FHAD1: variants seen among roughly 807,000 people sequenced by gnomAD.
FHAD1 encodes the protein forkhead associated phosphopeptide binding domain 1.
FHAD1 carries 146 observed loss-of-function variants against 191.3 expected under a neutral mutation model. The ratio of observed to expected loss-of-function variants is 0.76; its 90% confidence interval spans 0.67 to 0.88. The LOEUF (loss-of-function observed/expected upper bound fraction) is 0.88, where lower values mean the gene tolerates loss of function less well. Ranked by LOEUF, FHAD1 falls within the 40% of genes least tolerant of loss-of-function variation. The probability of loss-of-function intolerance (pLI) is 0.00; values close to 1 mark genes in which losing one functional copy is unlikely to be tolerated. For missense variants in FHAD1, 1,635 were observed against 1,785.8 expected (o/e 0.92, Z 1.52); for synonymous variants, 616 against 672.3 (o/e 0.92, Z 1.29).
chr1:15,336,237 A>C (rs889566331), intron 14 of FHAD1, among the ~76,000 whole-genome samples: 23 of 152,130 alleles, frequency 1.5e-4, no homozygotes, highest in African/African-American at 5.3e-4. Flanking sequence ...CTTCCTTACC[A>C]GGTTGTTTAT....
chr1:15,265,656 A>G (rs961720126), intron 2 of FHAD1, among the ~76,000 whole-genome samples: 48 of 152,120 alleles, frequency 3.2e-4, no homozygotes, highest in African/African-American at 1.1e-3. Flanking sequence ...AACACATAGA[A>G]CTTATCTCTT....
intron 21 of FHAD1, among the ~76,000 whole-genome samples, chr1:15,359,466 A>G (rs1693955647): frequency 6.6e-6 from 1 of 152,066 alleles, no homozygotes; most frequent in African/African-American, 2.4e-5. Context: ...TGGGATGGAA[A>G]CGCCAAGGGG....
At chr1:15,252,097 C>T (rs1646853213) in intron 2 of FHAD1, among the ~76,000 whole-genome samples, 1 of 152,214 alleles carries the variant, frequency 6.6e-6, no homozygotes, top group African/African-American at 2.4e-5. Context: ...ATGATGCGCT[C>T]CCATCCTTTG....
intron 23 of FHAD1, 39 bp from the exon 24 acceptor site, chr1:15,365,788 T>A (rs1472341297): frequency 1.6e-5 from 21 of 1,322,540 alleles, no homozygotes; most frequent in Non-Finnish European, 2.2e-5. Context: ...AACATGGAGT[T>A]TGAGTTGAAC....
At chr1:15,310,286 CT>C (rs1160444949) in intron 7 of FHAD1, among the ~76,000 whole-genome samples, 1 of 152,208 alleles carries the variant, frequency 6.6e-6, no homozygotes, top group Non-Finnish European at 1.5e-5. Flanking sequence ...CTGGCCGTGG[CT>C]TTCCCTCTGC....
intron 10 of FHAD1, among the ~76,000 whole-genome samples, chr1:15,319,905 CCT>C (rs766501402): frequency 5.3e-5 from 8 of 152,098 alleles, no homozygotes; most frequent in Non-Finnish European, 1.0e-4. Flanking sequence ...TAGAAAATAC[CCT>C]CTCAATGAAA....
chr1:15,297,282 A>G (rs1667282682), intron 5 of FHAD1, among the ~76,000 whole-genome samples: 1 of 152,226 alleles, frequency 6.6e-6, no homozygotes. Flanking sequence ...ACAGGAAGAG[A>G]GGTCAGAACA....
chr1:15,358,369 C>T, intron 21 of FHAD1, 86 bp downstream of exon 21: 1 of 1,340,964 alleles, frequency 7.5e-7, no homozygotes, highest in Non-Finnish European at 1.0e-6. Context: ...TAGACCGGGG[C>T]TTCTCAGCCT....
At chr1:15,364,303 A>G (rs1695736388) in intron 23 of FHAD1, 1 of 155,400 alleles carries the variant, frequency 6.4e-6, no homozygotes, top group Admixed American at 6.4e-5. Flanking sequence ...CATAATAAAC[A>G]CAGTACCTTC....
At position 15,381,027 on chromosome 1, in the gene FHAD1, C is replaced by T. The variant is rs891654149; in HGVS notation, c.3802-204C>T. ...TATATCTGTTGTCATTTTTCACCCC[C>T]GGTTCTCAAAAAAGGCATAGCGTAA... is the stretch of plus-strand genomic sequence containing the variant. On this transcript the variant is annotated intron_variant, in intron 29 of 33. Coordinates refer to ENST00000688493, the MANE Select transcript of FHAD1 (RefSeq NM_001391957.1). This position sits in a 1 kb window ranked among gnomAD's most constrained non-coding sequence, Gnocchi z 4.6. Among the ~76,000 whole-genome samples, 16 of 152,110 alleles carry T rather than the reference C, an allele frequency of 1.1e-4. No individual in the cohort carries two copies. The highest frequency in any genetic ancestry group is 2.1e-4 in the South Asian group (1 of 4,832).
upstream of FHAD1, among the ~76,000 whole-genome samples, chr1:15,242,358 C>T (rs1302083706): frequency 6.6e-6 from 1 of 152,038 alleles, no homozygotes; most frequent in Non-Finnish European, 1.5e-5. Context: ...CTTTTCTGTG[C>T]CTCAATTTCT....
At chr1:15,383,182 C>T (rs1288101780) in intron 31 of FHAD1, 4 of 471,528 alleles carry the variant, frequency 8.5e-6, no homozygotes, top group Admixed American at 2.3e-5. Context: ...GCCCCTGCCT[C>T]GCAGACAGAT....
intron 6 of FHAD1, among the ~76,000 whole-genome samples, chr1:15,307,400 T>G (rs916692589): frequency 6.6e-6 from 1 of 152,184 alleles, no homozygotes; most frequent in Non-Finnish European, 1.5e-5. Context: ...GGGGGACTAT[T>G]GGGAAGGCAT....
chr1:15,390,244 C>A (rs1006223903), intron 32 of FHAD1, among the ~76,000 whole-genome samples: 2 of 148,112 alleles, frequency 1.4e-5, no homozygotes, highest in African/African-American at 5.0e-5. Flanking sequence ...TATCGGGAGG[C>A]TGAGGCAGGA....
chr1:15,360,798 G>C, intron 22 of FHAD1, 95 bp downstream of exon 22: 1 of 1,030,534 alleles, frequency 9.7e-7, no homozygotes, highest in Non-Finnish European at 1.4e-6. Flanking sequence ...GAAAAAGGCC[G>C]TGCCTCATTC....
At chr1:15,242,097 G>T (rs1322100308) in intron 1 of FHAD1, among the ~76,000 whole-genome samples, 2 of 152,030 alleles carry the variant, frequency 1.3e-5, no homozygotes, top group Non-Finnish European at 2.9e-5. Flanking sequence ...GCCGGGCATG[G>T]TGGCGTGTGG....
At chr1:15,278,170 T>TTC (rs1553238506) in intron 3 of FHAD1, among the ~76,000 whole-genome samples, 1 of 151,714 alleles carries the variant, frequency 6.6e-6, no homozygotes, top group Non-Finnish European at 1.5e-5. Flanking sequence ...CCCACCAGTG[T>TTC]TTTTCTGCTC....
intron 33 of FHAD1, among the ~76,000 whole-genome samples, chr1:15,392,292 G>A (rs915018597): frequency 1.1e-4 from 17 of 152,194 alleles, no homozygotes; most frequent in Non-Finnish European, 2.2e-4. Context: ...CAGCACTTTG[G>A]GAGGCCAAGG....
At chr1:15,361,868 G>A (rs1243587341) in intron 22 of FHAD1, among the ~76,000 whole-genome samples, 4 of 152,082 alleles carry the variant, frequency 2.6e-5, no homozygotes, top group Non-Finnish European at 4.4e-5. Flanking sequence ...AGCCGGGCCT[G>A]GTGGCGCGCG....
Sources: allele counts gnomAD v4.1 joint callset (sites outside exome capture counted in the v4.1 genomes callset), GRCh38; gene constraint gnomAD v4.1.1; non-coding constraint Gnocchi (gnomAD v3.1); transcripts MANE v1.5; gene names NCBI Gene and HGNC (gene_info 2026-07-23, HGNC 2026-07-21).